The following TMEM184C variants were observed in gnomAD, a reference collection of about 807,000 sequenced individuals.
The protein encoded by TMEM184C is transmembrane protein 34.
In TMEM184C, 25 loss-of-function variants were observed where a neutral mutation model predicts 54.5. That is an observed-to-expected ratio of 0.46 (90% confidence interval 0.33 to 0.64). The LOEUF (loss-of-function observed/expected upper bound fraction) is 0.64, where lower values mean the gene tolerates loss of function less well. Ranked by LOEUF, TMEM184C falls within the 30% of genes least tolerant of loss-of-function variation. The pLI, the probability that TMEM184C is intolerant of heterozygous loss-of-function variation, is 0.02. For missense variants in TMEM184C, 335 were observed against 520.3 expected (o/e 0.64, Z 3.46); for synonymous variants, 148 against 181.5 (o/e 0.82, Z 1.49).
intron 7 of TMEM184C, 60 bp downstream of exon 7, chr4:147,631,565 T>A: frequency 7.9e-7 from 1 of 1,259,090 alleles, no homozygotes; most frequent in Non-Finnish European, 1.1e-6. Context: ...AACCGTTGAT[T>A]AAGGAGGATT....
In TMEM184C at chr4:147,634,285, A is replaced by G; in HGVS notation, c.1168A>G (p.Met390Val). The G allele has an allele frequency of 6.2e-7, 1 of 1,614,186 alleles. No individual in the cohort carries two copies. The highest frequency in any genetic ancestry group is 8.5e-7 in the Non-Finnish European group (1 of 1,180,034). ...SQDAISIASS[M>V]PPSPMGHYQG... ...AGATGCAATTTCCATTGCTTCTTCT[A>G]TGCCACCTTCACCCATGGGTCACTA... The change falls in exon 10 of 10, where the codon ATG becomes GTG. Residue 390 changes from methionine to valine, a missense_variant. Physicochemically the swap from Met to Val is conservative, Grantham distance 21. Coordinates refer to ENST00000296582, the MANE Select transcript of TMEM184C (RefSeq NM_018241.3).
In TMEM184C at chr4:147,635,198, C is replaced by T. The variant is rs1168218296; in HGVS notation, c.*764C>T. The T allele has an allele frequency of 6.6e-6, 1 of 152,124 alleles. No homozygotes were observed. The highest frequency in any genetic ancestry group is 1.5e-5 in the Non-Finnish European group (1 of 68,022). The allele number at this position is 152,124 out of a possible 1,614,324, so 9.4% of individuals were successfully genotyped here. A position where few individuals can be genotyped will look rare whatever the true frequency, so the allele number is the denominator to read the frequency against. ...CCCTATTCCTCAACTGAATGTCTTT[C>T]AATAAATAAGAATTTATCATTTATT... On this transcript the variant is annotated 3_prime_UTR_variant, in exon 10 of 10. Transcript: ENST00000296582.
intron 4 of TMEM184C, among the ~76,000 whole-genome samples, chr4:147,626,729 T>C (rs1732821739): frequency 6.6e-6 from 1 of 152,212 alleles, no homozygotes; most frequent in South Asian, 2.1e-4. Flanking sequence ...ATAGACCTCA[T>C]GGAACTTAGT....
rs1732624390 is a variant in TMEM184C, at chr4:147,617,761, AG to A, written c.-194del. The stretch of plus-strand genomic sequence containing the variant: ...CACTGCTCGCCAATAGCACCCTGAG[AG>A]GCTACATTTGCAGAAGCAGCAGCAG... On this transcript the variant is annotated 5_prime_UTR_variant, in exon 1 of 10. The change abolishes the stop of an existing upstream ORF in the 5' untranslated region. Coordinates refer to ENST00000296582, the MANE Select transcript of TMEM184C (RefSeq NM_018241.3). 3.1e-6 allele frequency: 2 copies of A among 650,544 alleles called. No individual in the cohort carries two copies. Among genetic ancestry groups the A allele is most frequent in the Admixed American group, 5.1e-5 (2 of 38,894 alleles). The allele number at this position is 650,544 out of a possible 1,614,324, so 40.3% of individuals were successfully genotyped here. A position where few individuals can be genotyped will look rare whatever the true frequency, so the allele number is the denominator to read the frequency against.
At position 147,617,942 on chromosome 4, in the gene TMEM184C, G is replaced by T. The variant is rs760023793; in HGVS notation, c.-15G>T. The T allele has an allele frequency of 3.1e-5, 50 of 1,613,844 alleles. No individual in the cohort carries two copies. The highest frequency in any genetic ancestry group is 3.3e-4 in the Middle Eastern group (2 of 6,044). On this transcript the variant is annotated 5_prime_UTR_variant, in exon 1 of 10. Transcript: ENST00000296582. ...ATCTTTTCCCTTGCTAACCGGATCTGATTTGTGCGAAAACATGCCTTGCAC... is the reference window on the plus strand; with the variant it reads ...ATCTTTTCCCTTGCTAACCGGATCTTATTTGTGCGAAAACATGCCTTGCAC...
intron 4 of TMEM184C, among the ~76,000 whole-genome samples, chr4:147,627,557 T>TG (rs1247693576): frequency 6.6e-6 from 1 of 152,198 alleles, no homozygotes; most frequent in East Asian, 1.9e-4. Flanking sequence ...GGCGTGAGGA[T>TG]GGCTTGAGCC....
At position 147,636,139 on chromosome 4, in the gene TMEM184C, T is replaced by C. The variant is rs1010361750; in HGVS notation, c.*1705T>C. On this transcript the variant is annotated 3_prime_UTR_variant, in exon 10 of 10. Coordinates refer to ENST00000296582, the MANE Select transcript of TMEM184C (RefSeq NM_018241.3). ...AAACAGAAAAAAATCCTAAAATTCA[T>C]ATGTAACGATAAAAGACCCTGAATA... The C allele has an allele frequency of 6.6e-5, 10 of 152,088 alleles. No homozygotes were observed. The highest frequency in any genetic ancestry group is 2.4e-4 in the African/African-American group (10 of 41,420). The allele number at this position is 152,088 out of a possible 1,614,324, so 9.4% of individuals were successfully genotyped here.
chr4:147,630,103 TG>T (rs1732888592), intron 6 of TMEM184C, among the ~76,000 whole-genome samples: 1 of 151,866 alleles, frequency 6.6e-6, no homozygotes, highest in South Asian at 2.1e-4. Context: ...TGAATAAAAA[TG>T]TGAGAATAAA....
At chr4:147,631,279 C>G in intron 6 of TMEM184C, 114 bp from the exon 7 acceptor site, 1 of 661,784 alleles carries the variant, frequency 1.5e-6, no homozygotes. Flanking sequence ...AATAATAAAG[C>G]CTAGAAAAGT....
rs769337025 is a variant in TMEM184C at position 147,618,057 on chromosome 4, T to C, written c.101T>C (p.Val34Ala). The C allele has an allele frequency of 1.2e-6, 2 of 1,614,122 alleles. No individual in the cohort carries two copies. Among genetic ancestry groups the C allele is most frequent in the Non-Finnish European group, 8.5e-7 (1 of 1,179,994 alleles). Reference sequence around the variant, plus strand: ...ATAGTGGTTGCGGTTCCCCTATGCGTGTGGGAATTACAGAAACTGGAGGTA... The same window carrying C: ...ATAGTGGTTGCGGTTCCCCTATGCGCGTGGGAATTACAGAAACTGGAGGTA... ...VSIVVAVPLC[V>A]WELQKLEVGI... Residue 34 changes from valine (V) to alanine (A), a missense_variant, in exon 1 of 10, where the codon GTG becomes GCG. Coordinates refer to ENST00000296582, the MANE Select transcript of TMEM184C (RefSeq NM_018241.3).
At chr4:147,622,889 A>G (rs1355707893) in intron 1 of TMEM184C, among the ~76,000 whole-genome samples, 1 of 151,898 alleles carries the variant, frequency 6.6e-6, no homozygotes, top group Non-Finnish European at 1.5e-5. Flanking sequence ...CAGTCTTCCT[A>G]GTAGGTAGGA....
intron 6 of TMEM184C, among the ~76,000 whole-genome samples, chr4:147,631,159 C>G (rs1732909954): frequency 6.6e-6 from 1 of 151,964 alleles, no homozygotes; most frequent in Non-Finnish European, 1.5e-5. Flanking sequence ...TTTATTGTTC[C>G]CTTTATGGAA....
intron 1 of TMEM184C, among the ~76,000 whole-genome samples, chr4:147,621,147 C>G (rs1230829973): frequency 2.0e-5 from 3 of 152,158 alleles, no homozygotes; most frequent in Non-Finnish European, 4.4e-5. Context: ...GTGCATGCTG[C>G]TCTAGTCTTT....
intron 1 of TMEM184C, among the ~76,000 whole-genome samples, chr4:147,618,601 T>C (rs919068088): frequency 1.3e-5 from 2 of 152,226 alleles, no homozygotes; most frequent in African/African-American, 4.8e-5. Flanking sequence ...ACATCAGTAA[T>C]GTACTACAAG....
intron 9 of TMEM184C, 70 bp from the exon 10 acceptor site, chr4:147,634,099 C>A: frequency 6.5e-7 from 1 of 1,546,942 alleles, no homozygotes; most frequent in Non-Finnish European, 8.7e-7. Flanking sequence ...AAGTGGGGAG[C>A]TTATTTTTAG....
At chr4:147,631,332 T>G in intron 6 of TMEM184C, 61 bp from the exon 7 acceptor site, 1 of 1,304,190 alleles carries the variant, frequency 7.7e-7, no homozygotes, top group Non-Finnish European at 1.1e-6. Context: ...GGTATGTAAC[T>G]TTAATATTTC....
At chr4:147,633,555 G>C (rs572706334) in intron 8 of TMEM184C, among the ~76,000 whole-genome samples, 1 of 152,122 alleles carries the variant, frequency 6.6e-6, no homozygotes, top group African/African-American at 2.4e-5. Flanking sequence ...ACTTGAGGAA[G>C]TGCAAAATAG....
chr4:147,634,447 A>G lies in TMEM184C; in HGVS notation c.*13A>G, dbSNP rs776788811. The G allele has an allele frequency of 6.2e-7, 1 of 1,611,246 alleles. No individual in the cohort carries two copies. The highest frequency in any genetic ancestry group is 8.5e-7 in the Non-Finnish European group (1 of 1,178,422). ...CGTGGATTCCTGAACAGTATGGAAA[A>G]GCAAACTGTGCAACTACTACATTAT... On this transcript the variant is annotated 3_prime_UTR_variant, in exon 10 of 10. Coordinates refer to ENST00000296582, the MANE Select transcript of TMEM184C (RefSeq NM_018241.3).
rs960314823 is a variant in TMEM184C, at chr4:147,635,409, C to T, written c.*975C>T. ...ATGGTCTTAATTACTCATTAAACCA[C>T]AGTCAGAAAGACATATAGGTGCTAT... On this transcript the variant is annotated 3_prime_UTR_variant, in exon 10 of 10. Transcript: ENST00000296582. 3.3e-5 allele frequency: 5 copies of T among 152,156 alleles called. No individual in the cohort carries two copies. The highest frequency in any genetic ancestry group is 2.0e-4 in the Admixed American group (3 of 15,278). 9.4% of individuals were successfully genotyped at this position (152,156 alleles called of 1,614,324 possible). A position where few individuals can be genotyped will look rare whatever the true frequency, so the allele number is the denominator to read the frequency against.
Sources: gnomAD v4.1 joint callset for allele counts (sites outside exome capture counted in the v4.1 genomes callset) on GRCh38, gnomAD v4.1.1 for gene constraint, MANE v1.5 for transcripts, NCBI Gene and HGNC (gene_info 2026-07-23, HGNC 2026-07-21) for gene names.